HIPK2: variants seen among roughly 807,000 people sequenced by gnomAD.
HIPK2 encodes homeodomain-interacting protein kinase 2.
In HIPK2, 27 loss-of-function variants were observed where a neutral mutation model predicts 113.7. The ratio of observed to expected loss-of-function variants is 0.24; its 90% CI spans 0.17 to 0.33. The LOEUF is 0.33. HIPK2 is among the 10% of genes least tolerant of loss of function. The pLI is 1.00. For synonymous variants in HIPK2, 631 were observed against 642.2 expected, an observed-to-expected ratio of 0.98 and a Z score of 0.26; for missense variants, 1,257 against 1,588.0, an observed-to-expected ratio of 0.79 and a Z score of 3.54.
rs1794118433 is a variant in HIPK2 at position 139,683,449 on chromosome 7, G to A, written c.1103+32483C>T. Among the ~76,000 whole-genome samples, 1 of 152,166 alleles carries A rather than the reference G, an allele frequency of 6.6e-6. No homozygotes were observed. Among genetic ancestry groups the A allele is most frequent in the Non-Finnish European group, 1.5e-5 (1 of 68,026 alleles). On this transcript the variant is annotated intron_variant, in intron 2 of 14. Coordinates refer to ENST00000406875, the MANE Select transcript of HIPK2 (RefSeq NM_022740.5). This position sits in a 1 kb window ranked among gnomAD's most constrained non-coding sequence, Gnocchi z 4.2. ...TCTGTGAGCCTCAGCTCCTCCCTACGGGGGCCTCCACAGGACTGCTCACAA... is the reference window on the plus strand; with the variant it reads ...TCTGTGAGCCTCAGCTCCTCCCTACAGGGGCCTCCACAGGACTGCTCACAA...
chr7:139,580,891 TG>T (rs1798645324), intron 13 of HIPK2, among the ~76,000 whole-genome samples: 1 of 152,226 alleles, frequency 6.6e-6, no homozygotes, highest in African/African-American at 2.4e-5. Flanking sequence ...GTGTCATTAT[TG>T]AACTCTGTCT....
chr7:139,746,291 C>T (rs1186406938), intron 1 of HIPK2, among the ~76,000 whole-genome samples: 1 of 152,206 alleles, frequency 6.6e-6, no homozygotes, highest in Non-Finnish European at 1.5e-5. Flanking sequence ...TGCTCCCTAG[C>T]CACCTTTCCA....
chr7:139,629,122 AC>A, intron 4 of HIPK2, 83 bp from the exon 5 acceptor site: 1 of 1,090,788 alleles, frequency 9.2e-7, no homozygotes, highest in East Asian at 2.6e-5. Flanking sequence ...CCTGTGTCTC[AC>A]AGAGGGTCTC....
chr7:139,757,476 G>A (rs1446853943), intron 1 of HIPK2, among the ~76,000 whole-genome samples: 1 of 152,214 alleles, frequency 6.6e-6, no homozygotes, highest in East Asian at 1.9e-4. Flanking sequence ...TCACAAAAGA[G>A]AACTAAATAC....
chr7:139,762,379 G>A (rs886917132), intron 1 of HIPK2, among the ~76,000 whole-genome samples: 1 of 152,180 alleles, frequency 6.6e-6, no homozygotes, highest in East Asian at 1.9e-4. Flanking sequence ...GCCTCCTCAA[G>A]CAAACTTTAC....
rs375604148 is a variant in HIPK2, at chr7:139,649,585, G to A, written c.1104-17860C>T. Among the ~76,000 whole-genome samples the A allele has an allele frequency of 3.3e-5, 5 of 152,148 alleles. No individual in the cohort carries two copies. The East Asian group carries it at 9.7e-4, about 29-fold the overall frequency. On this transcript the variant is annotated intron_variant, in intron 2 of 14. Coordinates refer to ENST00000406875, the MANE Select transcript of HIPK2 (RefSeq NM_022740.5). ...TGTGTCTCCTGCTGTTAGAATTCGG[G>A]GGGGTGGTTTGGAAAGTGGGTCCCA...
chr7:139,563,635 A>G lies in HIPK2; in HGVS notation c.*9292T>C. The G allele has an allele frequency of 2.5e-6, 1 of 395,258 alleles. No homozygotes were observed. The highest frequency in any genetic ancestry group is 4.5e-6 in the Non-Finnish European group (1 of 224,608). 24.5% of individuals were successfully genotyped at this position (395,258 alleles called of 1,614,324 possible). On this transcript the variant is annotated 3_prime_UTR_variant, in exon 15 of 15. Transcript: ENST00000406875. ...ATTTGGTTAATTCATGTAAAGGAAA[A>G]AACAGCAACACCACCACACAAACAG... is the stretch of plus-strand genomic sequence containing the variant.
chr7:139,683,213 G>A lies in HIPK2; in HGVS notation c.1103+32719C>T, dbSNP rs964345395. ...CTTCATGCTTAACTATATAACACGCGTGCCACACACGAGGATAAAAATGCG... is the reference window on the plus strand; with the variant it reads ...CTTCATGCTTAACTATATAACACGCATGCCACACACGAGGATAAAAATGCG... On this transcript the variant is annotated intron_variant, in intron 2 of 14. Coordinates refer to ENST00000406875, the MANE Select transcript of HIPK2 (RefSeq NM_022740.5). This position sits in a 1 kb window ranked among gnomAD's most constrained non-coding sequence, Gnocchi z 4.2. 6.6e-6 allele frequency among the ~76,000 whole-genome samples: 1 copy of A among 152,134 alleles called. No homozygotes were observed. The highest frequency in any genetic ancestry group is 6.5e-5 in the Admixed American group (1 of 15,280).
At chr7:139,670,910 G>A (rs531313528) in intron 2 of HIPK2, among the ~76,000 whole-genome samples, 47 of 151,452 alleles carry the variant, frequency 3.1e-4, no homozygotes, top group Middle Eastern at 3.4e-3. Context: ...ACAGGCCTGC[G>A]CCACCATGCC....
chr7:139,740,153 C>T (rs1045372105), intron 1 of HIPK2, among the ~76,000 whole-genome samples: 7 of 152,296 alleles, frequency 4.6e-5, no homozygotes, highest in Admixed American at 3.3e-4. Flanking sequence ...TGCAAAGTCC[C>T]CCAGAGGTCC....
At chr7:139,672,713 G>A (rs1228586016) in intron 2 of HIPK2, among the ~76,000 whole-genome samples, 2 of 152,208 alleles carry the variant, frequency 1.3e-5, no homozygotes, top group African/African-American at 4.8e-5. Flanking sequence ...ACCCGCTTCA[G>A]CCTCCCAAAG....
At chr7:139,755,780 C>T (rs532861709) in intron 1 of HIPK2, among the ~76,000 whole-genome samples, 382 of 152,338 alleles carry the variant, frequency 2.5e-3, no homozygotes, top group Non-Finnish European at 2.4e-3. Flanking sequence ...TGGAGGGCTT[C>T]GGTACGGTGT....
chr7:139,616,864 C>T (rs1231492688), intron 7 of HIPK2, among the ~76,000 whole-genome samples: 1 of 152,184 alleles, frequency 6.6e-6, no homozygotes, highest in Non-Finnish European at 1.5e-5. Flanking sequence ...TACCTGGCCC[C>T]TAGTACATGC....
Position 139,620,534 on chromosome 7 carries a change from A to C in HIPK2, c.1649T>G (p.Ile550Ser). 1 of 1,614,174 alleles carries C rather than the reference A, an allele frequency of 6.2e-7. No homozygotes were observed. Among genetic ancestry groups the C allele is most frequent in the Non-Finnish European group, 8.5e-7 (1 of 1,180,038 alleles). The change falls in exon 7 of 15, where the codon ATC becomes AGC. Residue 550 changes from isoleucine to serine, a missense_variant. This residue lies in a region of HIPK2 where 862 missense variants were observed against 1,004.3 expected (regional missense o/e 0.86). Transcript: ENST00000406875. ...HVKSCFQNME[I>S]CKRRVNMYDT... ...ATACATATTCACCCGACGCTTGCAG[A>C]TCTCCATGTTCTGGAAACATGATTT...
At chr7:139,697,091 C>G (rs1016171810) in intron 2 of HIPK2, among the ~76,000 whole-genome samples, 2 of 152,140 alleles carry the variant, frequency 1.3e-5, no homozygotes, top group Non-Finnish European at 2.9e-5. Flanking sequence ...CAAAATACTC[C>G]CCCTTTCGCC....
intron 2 of HIPK2, among the ~76,000 whole-genome samples, chr7:139,713,316 C>T (rs1795125170): frequency 6.6e-6 from 1 of 152,170 alleles, no homozygotes; most frequent in Admixed American, 6.5e-5. Context: ...CTCCCCAACC[C>T]TCACAGGCAA....
intron 9 of HIPK2, among the ~76,000 whole-genome samples, chr7:139,610,740 G>A (rs1386002187): frequency 1.3e-5 from 2 of 152,296 alleles, no homozygotes; most frequent in East Asian, 3.9e-4. Flanking sequence ...CAACTTTTAT[G>A]TAACAAAGTT....
chr7:139,616,053 G>C (rs1800031027), intron 7 of HIPK2, among the ~76,000 whole-genome samples: 1 of 152,052 alleles, frequency 6.6e-6, no homozygotes, highest in African/African-American at 2.4e-5. Flanking sequence ...CCCATGGTCT[G>C]CTCATATCTA....
intron 1 of HIPK2, among the ~76,000 whole-genome samples, chr7:139,764,360 T>C (rs756466050): frequency 9.2e-5 from 14 of 152,312 alleles, no homozygotes; most frequent in Middle Eastern, 3.4e-3. Context: ...CTGGCGACTT[T>C]AGAGAACACA....
Sources: allele counts gnomAD v4.1 joint callset (sites outside exome capture counted in the v4.1 genomes callset), GRCh38; gene constraint gnomAD v4.1.1; regional missense constraint gnomAD v4.1.1; non-coding constraint Gnocchi (gnomAD v3.1); transcripts MANE v1.5; gene names NCBI Gene and HGNC (gene_info 2026-07-23, HGNC 2026-07-21).